RNF13: variants seen among roughly 807,000 people sequenced by gnomAD.
RNF13 encodes the protein E3 ubiquitin-protein ligase RNF13.
RNF13 carries 19 observed loss-of-function variants against 37.7 expected under a neutral mutation model. That is an observed-to-expected ratio of 0.50 (90% CI 0.35 to 0.74). RNF13 has a LOEUF of 0.74. Ranked by LOEUF, RNF13 falls within the 30% of genes least tolerant of loss-of-function variation. The pLI, the probability that RNF13 is intolerant of heterozygous loss-of-function variation, is 0.01. For synonymous variants in RNF13, 144 were observed against 157.8 expected (o/e 0.91, Z 0.65); for missense variants, 375 against 453.0 (o/e 0.83, Z 1.56).
At chr3:149,877,472 C>CTTTTTTTTTTTTTTTTTTTTTTTG (rs369676407) in intron 4 of RNF13, among the ~76,000 whole-genome samples, 2 of 101,486 alleles carry the variant, frequency 2.0e-5, no homozygotes, top group African/African-American at 7.6e-5. Flanking sequence ...TTCTTTCTGT[C>CTTTTTTTTTTTTTTTTTTTTTTTG]TTTTTTTTTT....
At chr3:149,860,270 A>AATATATATATATATATATATATAT (rs1186058605) in intron 3 of RNF13, among the ~76,000 whole-genome samples, 1 of 104,116 alleles carries the variant, frequency 9.6e-6, no homozygotes, top group African/African-American at 4.2e-5. Flanking sequence ...AAAAAAAAAA[A>AATATATATATATATATATATATAT]ATATATATAT....
intron 4 of RNF13, among the ~76,000 whole-genome samples, chr3:149,887,016 G>A (rs1029652581): frequency 1.3e-5 from 2 of 152,110 alleles, no homozygotes; most frequent in African/African-American, 4.8e-5. Flanking sequence ...TATGATCGGA[G>A]AATATACTTT....
rs397842025 is a variant in RNF13 at position 149,853,455 on chromosome 3, G to GGAGAGAGAGAGAGA, written c.195+892_195+905dup. Reference sequence around the variant, plus strand: ...TGCTGTGTGTGTGAGAGAGAGAGAGGGAGAGAGAGAGAGAGAGAGAGAGAG... The same window carrying GGAGAGAGAGAGAGA: ...TGCTGTGTGTGTGAGAGAGAGAGAGGGAGAGAGAGAGAGAGAGAGAGAGAGAGAGAGAGAGAGAG... On this transcript the variant is annotated intron_variant, in intron 3 of 9. Transcript: ENST00000392894. 6.9e-3 allele frequency among the ~76,000 whole-genome samples: 810 copies of GGAGAGAGAGAGAGA among 117,274 alleles called. 28 individuals are homozygous for GGAGAGAGAGAGAGA. The highest frequency in any genetic ancestry group is 0.011 in the Non-Finnish European group (616 of 57,038). The allele number at this position is 117,274 out of a possible 152,430, so 76.9% of individuals were successfully genotyped here. A position where few individuals can be genotyped will look rare whatever the true frequency, so the allele number is the denominator to read the frequency against.
intron 3 of RNF13, among the ~76,000 whole-genome samples, chr3:149,860,269 A>AAC (rs1724091392): frequency 1.0e-5 from 1 of 100,332 alleles, no homozygotes; most frequent in Non-Finnish European, 2.1e-5. Flanking sequence ...AAAAAAAAAA[A>AAC]AATATATATA....
At chr3:149,926,253 C>T (rs1718638023) in intron 8 of RNF13, among the ~76,000 whole-genome samples, 2 of 152,134 alleles carry the variant, frequency 1.3e-5, no homozygotes, top group African/African-American at 4.8e-5. Flanking sequence ...GCTCTGTCCC[C>T]TAGGCTGGAG....
chr3:149,932,930 C>A (rs1197865157), intron 8 of RNF13, among the ~76,000 whole-genome samples: 5 of 152,250 alleles, frequency 3.3e-5, no homozygotes, highest in African/African-American at 1.2e-4. Context: ...TGTGTGGGGG[C>A]TATGTCCTGG....
At chr3:149,855,939 A>G (rs185726492) in intron 3 of RNF13, among the ~76,000 whole-genome samples, 73 of 152,302 alleles carry the variant, frequency 4.8e-4, no homozygotes, top group African/African-American at 1.8e-3. Flanking sequence ...TCATTCTATC[A>G]TAAGGAGTCA....
chr3:149,867,290 G>C (rs1467090618), intron 3 of RNF13, among the ~76,000 whole-genome samples: 1 of 151,260 alleles, frequency 6.6e-6, no homozygotes, highest in Non-Finnish European at 1.5e-5. Context: ...TTTTGAGACA[G>C]AGTCTTGCTC....
intron 4 of RNF13, among the ~76,000 whole-genome samples, chr3:149,891,785 G>A (rs1714732038): frequency 6.6e-6 from 1 of 152,174 alleles, no homozygotes; most frequent in Non-Finnish European, 1.5e-5. Context: ...GCTTCCATCT[G>A]ACACCATGTG....
rs1479233203 is a variant in RNF13, at chr3:149,869,422, G to T, written c.196-2607G>T. 2.6e-5 allele frequency among the ~76,000 whole-genome samples: 4 copies of T among 151,590 alleles called. No homozygotes were observed. The South Asian group carries it at 8.3e-4, about 32-fold the overall frequency. On this transcript the variant is annotated intron_variant, in intron 3 of 9. Coordinates refer to ENST00000392894, the MANE Select transcript of RNF13 (RefSeq NM_183381.3). ...AGATCGAGACCATCCCGGCTAAAAC[G>T]GTGAAACCCCGTCTCTACTAAAAAA...
intron 1 of RNF13, among the ~76,000 whole-genome samples, chr3:149,832,705 A>G (rs1721185382): frequency 6.6e-6 from 1 of 152,204 alleles, no homozygotes; most frequent in Admixed American, 6.5e-5. Flanking sequence ...AGGGGACACA[A>G]CTACCAATTT....
intron 4 of RNF13, among the ~76,000 whole-genome samples, chr3:149,877,049 G>A (rs1712795377): frequency 6.6e-6 from 1 of 151,836 alleles, no homozygotes; most frequent in Non-Finnish European, 1.5e-5. Context: ...CAAAGTGCAG[G>A]GATTACAGGC....
chr3:149,855,153 A>G (rs1723520052), intron 3 of RNF13, among the ~76,000 whole-genome samples: 1 of 152,124 alleles, frequency 6.6e-6, no homozygotes, highest in Non-Finnish European at 1.5e-5. Flanking sequence ...CCCTGTCTCT[A>G]CCAAAAAATA....
chr3:149,840,689 T>TCA (rs1268456014), intron 1 of RNF13, among the ~76,000 whole-genome samples: 1 of 152,156 alleles, frequency 6.6e-6, no homozygotes, highest in East Asian at 1.9e-4. Context: ...GATACCACAC[T>TCA]CACTGTCCAC....
chr3:149,816,402 T>C (rs1018408010), intron 1 of RNF13, among the ~76,000 whole-genome samples: 3 of 152,210 alleles, frequency 2.0e-5, no homozygotes, highest in African/African-American at 4.8e-5. Context: ...GCTGGTGACC[T>C]TGGGGAAGCT....
intron 8 of RNF13, among the ~76,000 whole-genome samples, chr3:149,958,270 CTG>C (rs1415516626): frequency 1.3e-5 from 2 of 152,198 alleles, no homozygotes; most frequent in Non-Finnish European, 2.9e-5. Context: ...GTCAGCAGGA[CTG>C]TGTTCCTTTC....
At chr3:149,842,411 C>CAA (rs1234659259) in intron 1 of RNF13, among the ~76,000 whole-genome samples, 3 of 152,220 alleles carry the variant, frequency 2.0e-5, no homozygotes, top group Admixed American at 6.5e-5. Flanking sequence ...TTAAGCCCTT[C>CAA]TGTGCATAAT....
chr3:149,821,253 G>A lies in RNF13; in HGVS notation c.-17+7900G>A, dbSNP rs562682436. Among the ~76,000 whole-genome samples the A allele has an allele frequency of 1.5e-3, 229 of 152,268 alleles. 1 individual carries two copies. The highest frequency in any genetic ancestry group is 5.2e-3 in the African/African-American group (215 of 41,556). On this transcript the variant is annotated intron_variant, in intron 1 of 9. Transcript: ENST00000392894. Reference sequence around the variant, plus strand: ...AGGACCTGCCAAACTGCTTTCCACAGTAGCTAAACCATTTTACATTCCCAC... The same window carrying A: ...AGGACCTGCCAAACTGCTTTCCACAATAGCTAAACCATTTTACATTCCCAC...
chr3:149,957,331 T>C (rs7614899), intron 8 of RNF13, among the ~76,000 whole-genome samples: 5,206 of 152,246 alleles, frequency 0.034, 96 homozygotes, highest in Non-Finnish European at 0.036. Flanking sequence ...GTCCAGTCTT[T>C]TAGTTTTTTT....
Sources: allele counts gnomAD v4.1 joint callset (sites outside exome capture counted in the v4.1 genomes callset), GRCh38; gene constraint gnomAD v4.1.1; transcripts MANE v1.5; gene names NCBI Gene and HGNC (gene_info 2026-07-23, HGNC 2026-07-21).